Variants in ZNF728 observed in about 807,000 individuals in gnomAD.
ZNF728 encodes the protein zinc finger protein 728.
Under a neutral mutation model 12.5 loss-of-function variants are expected in ZNF728, and 12 were observed. The observed-to-expected ratio is 0.96, with a 90% CI of 0.61 to 1.55. ZNF728 has a LOEUF of 1.55. Among genes scored for constraint, ZNF728 ranks in the 40% most tolerant of loss-of-function variants. The pLI, the probability that ZNF728 is intolerant of heterozygous loss-of-function variation, is 0.00. For missense variants in ZNF728, 692 were observed against 719.2 expected (o/e 0.96, Z 0.43); for synonymous variants, 205 against 240.7 (o/e 0.85, Z 1.37).
intron 3 of ZNF728, among the ~76,000 whole-genome samples, chr19:22,982,670 A>C (rs912185245): frequency 2.6e-5 from 4 of 152,158 alleles, no homozygotes; most frequent in Non-Finnish European, 5.9e-5. Flanking sequence ...AGATATATAG[A>C]CCAATGGAAC....
chr19:22,991,448 G>A (rs2145347207), intron 1 of ZNF728, among the ~76,000 whole-genome samples: 1 of 152,248 alleles, frequency 6.6e-6, no homozygotes, highest in African/African-American at 2.4e-5. Context: ...AAGGGATACA[G>A]ATGGAAAGAA....
In ZNF728 at chr19:23,003,102, A is replaced by C. The variant is rs1242363684; in HGVS notation, c.-72T>G. 2 of 1,518,280 alleles carry C rather than the reference A, an allele frequency of 1.3e-6. No individual in the cohort carries two copies. Among genetic ancestry groups the C allele is most frequent in the Non-Finnish European group, 1.8e-6 (2 of 1,131,568 alleles). 94.1% of individuals were successfully genotyped at this position (1,518,280 alleles called of 1,614,324 possible). ...TACCTGCAGGTCACAGGGCCATAGA[A>C]GCTGGGCCTTTAGGAGCGGACGACA... On this transcript the variant is annotated 5_prime_UTR_variant, in exon 1 of 4. Coordinates refer to ENST00000594710, the MANE Select transcript of ZNF728 (RefSeq NM_001267716.2).
In ZNF728 at chr19:23,003,047, G is replaced by C; in HGVS notation, c.-17C>G. The C allele has an allele frequency of 6.3e-7, 1 of 1,581,762 alleles. No homozygotes were observed. Among genetic ancestry groups the C allele is most frequent in the African/African-American group, 1.4e-5 (1 of 73,702 alleles). On this transcript the variant is annotated 5_prime_UTR_variant, in exon 1 of 4. Coordinates refer to ENST00000594710, the MANE Select transcript of ZNF728 (RefSeq NM_001267716.2). ...ACTCACCATTTCTAGGCTTCCGGGGGTCCTGGCGACTTAGTTGTGAATCTC... is the reference window on the plus strand; with the variant it reads ...ACTCACCATTTCTAGGCTTCCGGGGCTCCTGGCGACTTAGTTGTGAATCTC...
intron 3 of ZNF728, among the ~76,000 whole-genome samples, chr19:22,978,152 A>C (rs571767056): frequency 4.2e-4 from 64 of 152,208 alleles, no homozygotes; most frequent in Non-Finnish European, 7.8e-4. Flanking sequence ...ACATATTTAT[A>C]ATCACAATTT....
rs1318006010 is a variant in ZNF728 at position 22,975,573 on chromosome 19, T to C, written c.1764A>G (p.Gly588=). The change falls in exon 4 of 4, where the codon GGA becomes GGG. Residue 588 remains glycine (G), a synonymous_variant. Coordinates refer to ENST00000594710, the MANE Select transcript of ZNF728 (RefSeq NM_001267716.2). ...VLNKHKKIHA[G]KKFYKCEECG... ...ATTCTTCACATTTGTAGAATTTCTT[T>C]CCAGCATGAATTTTCTTATGTTTGT... is the stretch of plus-strand genomic sequence containing the variant. 8 of 1,599,054 alleles carry C rather than the reference T, an allele frequency of 5.0e-6. No individual in the cohort carries two copies. Among genetic ancestry groups the C allele is most frequent in the Non-Finnish European group, 6.0e-6 (7 of 1,173,750 alleles).
chr19:22,987,048 T>G (rs1968923748), intron 3 of ZNF728, among the ~76,000 whole-genome samples: 1 of 152,204 alleles, frequency 6.6e-6, no homozygotes, highest in Non-Finnish European at 1.5e-5. Flanking sequence ...GTGCACTCTC[T>G]TGTATGCCAT....
At chr19:22,979,151 GT>G (rs1968836268) in intron 3 of ZNF728, among the ~76,000 whole-genome samples, 1 of 152,176 alleles carries the variant, frequency 6.6e-6, no homozygotes, top group Non-Finnish European at 1.5e-5. Context: ...GGAAGAACCA[GT>G]TTAGAGAAGA....
At chr19:22,986,997 A>C (rs77621958) in intron 3 of ZNF728, among the ~76,000 whole-genome samples, 2 of 152,146 alleles carry the variant, frequency 1.3e-5, no homozygotes, top group African/African-American at 4.8e-5. Flanking sequence ...AATTATGGAA[A>C]TATCTGTGTC....
intron 1 of ZNF728, among the ~76,000 whole-genome samples, chr19:22,989,516 A>G (rs1418342119): frequency 1.3e-5 from 2 of 152,188 alleles, no homozygotes; most frequent in African/African-American, 4.8e-5. Context: ...ATAATTCTAT[A>G]GTGAAAAAAT....
intron 1 of ZNF728, among the ~76,000 whole-genome samples, chr19:22,992,479 G>A (rs1156983937): frequency 6.6e-6 from 1 of 152,072 alleles, no homozygotes; most frequent in Non-Finnish European, 1.5e-5. Flanking sequence ...CTGACCTCAG[G>A]TGATCCACCC....
intron 1 of ZNF728, among the ~76,000 whole-genome samples, chr19:22,994,294 G>T (rs969010848): frequency 1.3e-5 from 2 of 152,192 alleles, no homozygotes; most frequent in Non-Finnish European, 1.5e-5. Context: ...ATTGTGAACT[G>T]ACTGGAAGCC....
At position 22,976,061 on chromosome 19, in the gene ZNF728, A is replaced by G. The variant is rs748256557; in HGVS notation, c.1276T>C (p.Cys426Arg). The change falls in exon 4 of 4, where the codon TGT (cysteine) becomes CGT (arginine). Residue 426 changes from cysteine to arginine, a missense_variant. Coordinates refer to ENST00000594710, the MANE Select transcript of ZNF728 (RefSeq NM_001267716.2). ...IIHTGEKPYK[C>R]EECGKAFTTF... Reference sequence around the variant, plus strand: ...GTAAAGGCTTTGCCACATTCTTCACATTTGTAGGGTTTCTCTCCAGTATGA... The same window carrying G: ...GTAAAGGCTTTGCCACATTCTTCACGTTTGTAGGGTTTCTCTCCAGTATGA... The G allele has an allele frequency of 1.2e-6, 2 of 1,606,056 alleles. No individual in the cohort carries two copies. The highest frequency in any genetic ancestry group is 1.1e-5 in the South Asian group (1 of 90,162).
At chr19:22,978,409 C>T (rs1289748328) in intron 3 of ZNF728, among the ~76,000 whole-genome samples, 3 of 152,034 alleles carry the variant, frequency 2.0e-5, no homozygotes, top group East Asian at 1.9e-4. Context: ...AAAAGTATAT[C>T]GGCACTGCAT....
intron 1 of ZNF728, among the ~76,000 whole-genome samples, chr19:22,996,984 A>G (rs561756141): frequency 2.5e-4 from 38 of 152,230 alleles, no homozygotes; most frequent in Middle Eastern, 3.4e-3. Context: ...TTATTAAGAA[A>G]CCCCATGGGT....
intron 1 of ZNF728, among the ~76,000 whole-genome samples, chr19:22,997,649 C>T (rs2145354071): frequency 6.6e-6 from 1 of 150,798 alleles, no homozygotes; most frequent in Non-Finnish European, 1.5e-5. Flanking sequence ...CAAGAAGTAA[C>T]CAAAATCGGA....
chr19:22,981,702 T>C (rs532596041), intron 3 of ZNF728, among the ~76,000 whole-genome samples: 25 of 152,298 alleles, frequency 1.6e-4, no homozygotes, highest in Admixed American at 5.2e-4. Context: ...GCTTCATCCC[T>C]GGGATGCAAG....
At position 22,976,208 on chromosome 19, in the gene ZNF728, A is replaced by G; in HGVS notation, c.1129T>C (p.Phe377Leu). 6.2e-7 allele frequency: 1 copy of G among 1,613,530 alleles called. No individual in the cohort carries two copies. Among genetic ancestry groups the G allele is most frequent in the African/African-American group, 1.3e-5 (1 of 75,024 alleles). ...PYKCEECGKA[F>L]SWPSSLTEHK... ...TCAGTAAGGCTTGAGGGCCAGCTGA[A>G]GGCTTTGCCACATTCTTCACATTTG... Residue 377 changes from phenylalanine (F) to leucine (L), a missense_variant, in exon 4 of 4, where the codon TTC becomes CTC. Physicochemically the swap from Phe to Leu is conservative, Grantham distance 22. Around this residue, in one of 3 missense-constraint regions of ZNF728, gnomAD observed 440 missense variants for 459.6 expected, o/e 0.96. Coordinates refer to ENST00000594710, the MANE Select transcript of ZNF728 (RefSeq NM_001267716.2).
Sources: gnomAD v4.1 joint callset for allele counts (sites outside exome capture counted in the v4.1 genomes callset) on GRCh38, gnomAD v4.1.1 for gene constraint, gnomAD v4.1.1 regional missense constraint, MANE v1.5 for transcripts, NCBI Gene and HGNC (gene_info 2026-07-23, HGNC 2026-07-21) for gene names.